CTNND1: variants seen among roughly 807,000 people sequenced by gnomAD.
The protein encoded by CTNND1 is catenin delta 1.
CTNND1 carries 16 observed loss-of-function variants against 112.1 expected under a neutral mutation model. The ratio of observed to expected loss-of-function variants is 0.14; its 90% CI spans 0.10 to 0.22. The LOEUF is 0.22. Ranked by LOEUF, CTNND1 falls within the 10% of genes least tolerant of loss-of-function variation. CTNND1 has a pLI of 1.00. For synonymous variants in CTNND1, 420 were observed against 446.5 expected (o/e 0.94, Z 0.75); for missense variants, 1,008 against 1,257.0 (o/e 0.80, Z 3.00).
intron 1 of CTNND1, among the ~76,000 whole-genome samples, chr11:57,770,797 A>G (rs1045185896): frequency 1.3e-5 from 2 of 152,204 alleles, no homozygotes; most frequent in African/African-American, 4.8e-5. Flanking sequence ...ACCTTTATCA[A>G]AGCACCTGCA....
At chr11:57,790,440 A>G (rs897974366) in intron 2 of CTNND1, among the ~76,000 whole-genome samples, 3 of 146,252 alleles carry the variant, frequency 2.1e-5, no homozygotes, top group East Asian at 2.0e-4. Context: ...CTGGAGTGCA[A>G]TGGCGCGATC....
At position 57,817,875 on chromosome 11, in the gene CTNND1, T is replaced by G. The variant is rs1010403415; in HGVS notation, c.*1567T>G. 6.6e-6 allele frequency: 1 copy of G among 152,540 alleles called. No homozygotes were observed. The highest frequency in any genetic ancestry group is 1.5e-5 in the Non-Finnish European group (1 of 68,040). 9.4% of individuals were successfully genotyped at this position (152,540 alleles called of 1,614,324 possible). ...TTTCTAATCCTTTTCCTTATTTGCC[T>G]TCTACTCCCCTTAATCTAATCTAAA... On this transcript the variant is annotated 3_prime_UTR_variant, in exon 21 of 21. Coordinates refer to ENST00000399050, the MANE Select transcript of CTNND1 (RefSeq NM_001085458.2).
In CTNND1 at chr11:57,761,829, C is replaced by G. The variant is rs1359349871; in HGVS notation, c.-504C>G. ...ATCAGTTTGTCACCACCCAGGCTCC[C>G]TTGCCTTTGGCTGGGTGCAACTTCC... On this transcript the variant is annotated 5_prime_UTR_variant, in exon 1 of 21. Coordinates refer to ENST00000399050, the MANE Select transcript of CTNND1 (RefSeq NM_001085458.2). 1 of 985,162 alleles carries G rather than the reference C, an allele frequency of 1.0e-6. No homozygotes were observed. Among genetic ancestry groups the G allele is most frequent in the Non-Finnish European group, 1.2e-6 (1 of 829,940 alleles). 61.0% of individuals were successfully genotyped at this position (985,162 alleles called of 1,614,324 possible).
chr11:57,798,164 C>T (rs1056360870), intron 6 of CTNND1, among the ~76,000 whole-genome samples: 26 of 151,770 alleles, frequency 1.7e-4, no homozygotes, highest in African/African-American at 3.9e-4. Flanking sequence ...CTGGCTAACA[C>T]GGTGAAACCC....
At chr11:57,805,789 C>A in intron 9 of CTNND1, 93 bp from the exon 10 acceptor site, 1 of 1,408,156 alleles carries the variant, frequency 7.1e-7, no homozygotes, top group Non-Finnish European at 9.6e-7. Flanking sequence ...ATTTGAAGAT[C>A]AACATTTTAA....
At chr11:57,777,312 A>G (rs1213905687) in intron 1 of CTNND1, among the ~76,000 whole-genome samples, 1 of 152,046 alleles carries the variant, frequency 6.6e-6, no homozygotes, top group Admixed American at 6.6e-5. Flanking sequence ...TTGGTCACCC[A>G]GGCTGGAGTG....
In CTNND1 at chr11:57,819,193, C is replaced by T. The variant is rs2064122989; in HGVS notation, c.*2885C>T. 6.6e-6 allele frequency: 1 copy of T among 152,186 alleles called. No individual in the cohort carries two copies. The allele number at this position is 152,186 out of a possible 1,614,324, so 9.4% of individuals were successfully genotyped here. A position where few individuals can be genotyped will look rare whatever the true frequency, so the allele number is the denominator to read the frequency against. ...TAGCTGCTCCTGATGATGGTCCTGT[C>T]TTGTTTTATTGAACTAGGACTTGGG... On this transcript the variant is annotated 3_prime_UTR_variant, in exon 21 of 21. Coordinates refer to ENST00000399050, the MANE Select transcript of CTNND1 (RefSeq NM_001085458.2).
chr11:57,777,545 CA>C (rs1353079343), intron 1 of CTNND1, among the ~76,000 whole-genome samples: 4 of 152,222 alleles, frequency 2.6e-5, no homozygotes, highest in Non-Finnish European at 5.9e-5. Flanking sequence ...GCTGGGATTA[CA>C]GGCTTGAGCC....
At chr11:57,776,498 T>C (rs1276357766) in intron 1 of CTNND1, among the ~76,000 whole-genome samples, 1 of 152,168 alleles carries the variant, frequency 6.6e-6, no homozygotes, top group Non-Finnish European at 1.5e-5. Flanking sequence ...TCTTTCAGCA[T>C]TGGGCCTGCT....
At chr11:57,768,209 G>A (rs1241187129) in intron 1 of CTNND1, among the ~76,000 whole-genome samples, 12 of 152,064 alleles carry the variant, frequency 7.9e-5, no homozygotes, top group Non-Finnish European at 1.3e-4. Flanking sequence ...CTTCCTGAGT[G>A]GGTAAAGCTA....
At chr11:57,768,551 G>A (rs1951726297) in intron 1 of CTNND1, among the ~76,000 whole-genome samples, 2 of 151,570 alleles carry the variant, frequency 1.3e-5, no homozygotes, top group Non-Finnish European at 2.9e-5. Flanking sequence ...CCGCCACCAC[G>A]CCTGGCTAAT....
chr11:57,763,532 C>T (rs1950323139), intron 1 of CTNND1, among the ~76,000 whole-genome samples: 2 of 152,156 alleles, frequency 1.3e-5, no homozygotes, highest in Non-Finnish European at 2.9e-5. Context: ...AACTTTGTTC[C>T]TCCTTCAAAT....
chr11:57,786,190 A>ATTTTT (rs10715396), intron 1 of CTNND1, among the ~76,000 whole-genome samples: 1 of 132,614 alleles, frequency 7.5e-6, no homozygotes. Flanking sequence ...GAATTCTTTG[A>ATTTTT]TTTTTTTTTT....
Position 57,810,211 on chromosome 11 carries a change from A to C in CTNND1, c.2538A>C (p.Lys846Asn). ...CACTGGAAAAAGAAGGATGGAAGAAATCAGACTTTCAGGTATAGTAACTTT... is the reference window on the plus strand; with the variant it reads ...CACTGGAAAAAGAAGGATGGAAGAACTCAGACTTTCAGGTATAGTAACTTT... Reference protein sequence around the residue: ...RKPLEKEGWKKSDFQVNLNNA... With the variant: ...RKPLEKEGWKNSDFQVNLNNA... Residue 846 changes from lysine (K) to asparagine (N), a missense_variant, in exon 16 of 21, where the codon AAA becomes AAC. Coordinates refer to ENST00000399050, the MANE Select transcript of CTNND1 (RefSeq NM_001085458.2). The C allele has an allele frequency of 6.2e-7, 1 of 1,608,772 alleles. No individual in the cohort carries two copies. The highest frequency in any genetic ancestry group is 8.5e-7 in the Non-Finnish European group (1 of 1,177,730).
rs75784058 is a variant in CTNND1 at position 57,774,411 on chromosome 11, A to T, written c.-214+12292A>T. ...CTACAATGTAGCAACTCGGGATTCC[A>T]GAGAAGATGGTGCTGGCAAGTGAGA... On this transcript the variant is annotated intron_variant, in intron 1 of 20. Transcript: ENST00000399050. Among the ~76,000 whole-genome samples the T allele has an allele frequency of 7.6e-3, 1,156 of 152,312 alleles. 24 individuals are homozygous for T. The highest frequency in any genetic ancestry group is 0.026 in the African/African-American group (1,101 of 41,572).
In CTNND1 at chr11:57,791,422, C is replaced by T. The variant is rs2060729542; in HGVS notation, c.-57C>T. On this transcript the variant is annotated 5_prime_UTR_variant, in exon 3 of 21. Coordinates refer to ENST00000399050, the MANE Select transcript of CTNND1 (RefSeq NM_001085458.2). ...GGGTCTCTCTCCCTCCTTCTCCTTCCTCTGTGATTCACCTTCCTTTTTACC... is the reference window on the plus strand; with the variant it reads ...GGGTCTCTCTCCCTCCTTCTCCTTCTTCTGTGATTCACCTTCCTTTTTACC... 1.4e-6 allele frequency: 2 copies of T among 1,390,786 alleles called. No homozygotes were observed. The highest frequency in any genetic ancestry group is 5.9e-5 in the East Asian group (2 of 34,184). The allele number at this position is 1,390,786 out of a possible 1,614,324, so 86.2% of individuals were successfully genotyped here. A position where few individuals can be genotyped will look rare whatever the true frequency, so the allele number is the denominator to read the frequency against.
intron 1 of CTNND1, among the ~76,000 whole-genome samples, chr11:57,766,649 C>T (rs1591101528): frequency 6.6e-6 from 1 of 152,076 alleles, no homozygotes; most frequent in African/African-American, 2.4e-5. Flanking sequence ...TGTAGCCTGG[C>T]AGGGAGATTG....
chr11:57,819,275 A>T lies in CTNND1; in HGVS notation c.*2967A>T, dbSNP rs1176797905. 1.3e-5 allele frequency: 2 copies of T among 152,150 alleles called. No homozygotes were observed. The highest frequency in any genetic ancestry group is 4.8e-5 in the African/African-American group (2 of 41,446). 9.4% of individuals were successfully genotyped at this position (152,150 alleles called of 1,614,324 possible). On this transcript the variant is annotated 3_prime_UTR_variant, in exon 21 of 21. Transcript: ENST00000399050. ...GAAATCAACTAGCTTTTAAAGCTTG[A>T]TTTGTGTCTAACAATTGTAGTGTTA...
intron 1 of CTNND1, among the ~76,000 whole-genome samples, chr11:57,778,684 CAGT>C (rs1458275004): frequency 6.6e-6 from 1 of 152,188 alleles, no homozygotes; most frequent in Non-Finnish European, 1.5e-5. Flanking sequence ...CCCTGGAATG[CAGT>C]TGGCCTGCAG....
Sources: allele counts gnomAD v4.1 joint callset (sites outside exome capture counted in the v4.1 genomes callset), GRCh38; gene constraint gnomAD v4.1.1; transcripts MANE v1.5; gene names NCBI Gene and HGNC (gene_info 2026-07-23, HGNC 2026-07-21).